Variants in ZXDC observed in about 807,000 individuals in gnomAD.
The protein encoded by ZXDC is zinc finger protein ZXDC.
A neutral mutation model predicts 63.6 loss-of-function variants in ZXDC; 58 were observed. The ratio of observed to expected loss-of-function variants is 0.91; its 90% CI spans 0.74 to 1.13. ZXDC has a LOEUF of 1.13. Ranked by LOEUF, ZXDC falls within the 50% of genes most tolerant of loss-of-function variation. The pLI is 0.00. For missense variants in ZXDC, 1,133 were observed against 1,148.9 expected (o/e 0.99, Z 0.20); for synonymous variants, 561 against 496.1 (o/e 1.13, Z -1.74).
At chr3:126,460,092 G>T in intron 6 of ZXDC, 7 of 985,336 alleles carry the variant, frequency 7.1e-6, no homozygotes, top group Non-Finnish European at 8.4e-6. Flanking sequence ...TCACCTTACC[G>T]CGACACTTTT....
intron 9 of ZXDC, 137 bp downstream of exon 9, chr3:126,439,495 T>A: frequency 2.8e-6 from 4 of 1,444,218 alleles, no homozygotes; most frequent in Non-Finnish European, 3.7e-6. Context: ...CAGCAAGACA[T>A]CCTGGCAACC....
intron 9 of ZXDC, 29 bp from the exon 10 acceptor site, chr3:126,438,490 G>A: frequency 6.2e-7 from 1 of 1,602,464 alleles, no homozygotes; most frequent in Non-Finnish European, 8.5e-7. Context: ...TCATGAAGAG[G>A]GAGGAGGGAG....
At position 126,475,159 on chromosome 3, in the gene ZXDC, C is replaced by A; in HGVS notation, c.707G>T (p.Arg236Leu). 2 of 1,605,036 alleles carry A rather than the reference C, an allele frequency of 1.2e-6. No homozygotes were observed. Among genetic ancestry groups the A allele is most frequent in the South Asian group, 2.2e-5 (2 of 89,524 alleles). The change falls in exon 1 of 10, where the codon CGG (arginine) becomes CTG (leucine). Residue 236 changes from arginine to leucine, a missense_variant. Arg to Leu is a moderately radical substitution (Grantham distance 102). Coordinates refer to ENST00000389709, the MANE Select transcript of ZXDC (RefSeq NM_025112.5). ...GCCGCCCACTGGACAGCCGAAGGGC[C>A]GCAGCTTGTCGTGCGACTGCAGGTG... is the stretch of plus-strand genomic sequence containing the variant. ...KRHLQSHDKL[R>L]PFGCPVGGCG...
At position 126,468,410 on chromosome 3, in the gene ZXDC, A is replaced by G. The variant is rs144531661; in HGVS notation, c.1271-2085T>C. Among the ~76,000 whole-genome samples, 25 of 152,304 alleles carry G rather than the reference A, an allele frequency of 1.6e-4. No individual in the cohort carries two copies. The East Asian group carries it at 4.4e-3, about 27-fold the overall frequency. On this transcript the variant is annotated intron_variant, in intron 4 of 9. Transcript: ENST00000389709. Reference sequence around the variant, plus strand: ...GGAAAAAATGGTGTCATCAGCCCCAACTATTGCCCAACCCCAAGAATGATC... The same window carrying G: ...GGAAAAAATGGTGTCATCAGCCCCAGCTATTGCCCAACCCCAAGAATGATC...
chr3:126,471,506 C>T (rs1007388064), intron 3 of ZXDC, among the ~76,000 whole-genome samples: 7 of 152,078 alleles, frequency 4.6e-5, no homozygotes, highest in Non-Finnish European at 8.8e-5. Flanking sequence ...TGTGCAAGTA[C>T]AGAAAAACCA....
chr3:126,472,451 C>T lies in ZXDC; in HGVS notation c.908-146G>A, dbSNP rs556348261. The T allele has an allele frequency of 5.0e-5, 52 of 1,042,846 alleles. No individual in the cohort carries two copies. In the South Asian group the frequency reaches 9.6e-4, roughly 19 times the overall value. 64.6% of individuals were successfully genotyped at this position (1,042,846 alleles called of 1,614,324 possible). A position where few individuals can be genotyped will look rare whatever the true frequency, so the allele number is the denominator to read the frequency against. On this transcript the variant is annotated intron_variant, in intron 1 of 9. Coordinates refer to ENST00000389709, the MANE Select transcript of ZXDC (RefSeq NM_025112.5). Reference sequence around the variant, plus strand: ...GAAGCACTCTCTAAAAAGGGAAGACCATTAATGCTTGGCTTTGTGATCACC... The same window carrying T: ...GAAGCACTCTCTAAAAAGGGAAGACTATTAATGCTTGGCTTTGTGATCACC...
chr3:126,462,992 G>T (rs1232661615), intron 5 of ZXDC, among the ~76,000 whole-genome samples: 1 of 152,130 alleles, frequency 6.6e-6, no homozygotes, highest in Non-Finnish European at 1.5e-5. Flanking sequence ...GCCTCCTGAG[G>T]GTGGAGAGCC....
At chr3:126,450,320 C>T (rs1007802004) in intron 7 of ZXDC, 2 of 456,546 alleles carry the variant, frequency 4.4e-6, no homozygotes, top group Non-Finnish European at 8.8e-6. Context: ...CTAAAGAAAA[C>T]ACAAGAGCAG....
At chr3:126,454,481 CCTTTG>C in intron 7 of ZXDC, 3 of 985,328 alleles carry the variant, frequency 3.0e-6, no homozygotes, top group Non-Finnish European at 3.6e-6. Context: ...TTGTGATTTG[CCTTTG>C]CTTTATTTTA....
chr3:126,475,428 C>T lies in ZXDC; in HGVS notation c.438G>A (p.Ala146=), dbSNP rs868355694. The T allele has an allele frequency of 8.4e-7, 1 of 1,184,816 alleles. No homozygotes were observed. Among genetic ancestry groups the T allele is most frequent in the Non-Finnish European group, 1.0e-6 (1 of 958,920 alleles). 73.4% of individuals were successfully genotyped at this position (1,184,816 alleles called of 1,614,324 possible). ...TTGCGGGGCCGGGCGGCGCAGACAG[C>T]GCGAGGACGCCGCGGTCGAGACGCA... The part of the protein sequence containing the change: ...LLVRLDRGVL[A]LSAPPGPATA... The change falls in exon 1 of 10, where the codon GCG becomes GCA. Residue 146 remains alanine (A), a synonymous_variant. Transcript: ENST00000389709.
At position 126,466,253 on chromosome 3, in the gene ZXDC, G is replaced by T; in HGVS notation, c.1343C>A (p.Ala448Asp). The T allele has an allele frequency of 6.2e-7, 1 of 1,614,222 alleles. No homozygotes were observed. The highest frequency in any genetic ancestry group is 8.5e-7 in the Non-Finnish European group (1 of 1,180,042). The change falls in exon 5 of 10, where the codon GCT becomes GAT. Residue 448 changes from alanine (A) to aspartate (D), a missense_variant. Transcript: ENST00000389709. ...AGAAACTGGGCAACGGCTTTTCGGA[G>T]CACCCACATCCTGCACGTGTTTCTT... is the stretch of plus-strand genomic sequence containing the variant. The part of the protein sequence containing the change: ...HSKKHVQDVG[A>D]PKSRCPVSTC...
chr3:126,468,233 G>A (rs1934849997), intron 4 of ZXDC, among the ~76,000 whole-genome samples: 1 of 151,980 alleles, frequency 6.6e-6, no homozygotes, highest in African/African-American at 2.4e-5. Context: ...AGCACACATA[G>A]CCCCGAGGCC....
At chr3:126,446,573 C>T (rs1933891936) in intron 7 of ZXDC, among the ~76,000 whole-genome samples, 1 of 152,180 alleles carries the variant, frequency 6.6e-6, no homozygotes, top group South Asian at 2.1e-4. Flanking sequence ...AGGCCCCTCC[C>T]TTGATAACCA....
In ZXDC at chr3:126,475,670, C is replaced by G. The variant is rs764157817; in HGVS notation, c.196G>C (p.Ala66Pro). 7.1e-6 allele frequency: 10 copies of G among 1,413,338 alleles called. No individual in the cohort carries two copies. In the South Asian group the frequency reaches 1.2e-4, roughly 18 times the overall value. The allele number at this position is 1,413,338 out of a possible 1,614,324, so 87.5% of individuals were successfully genotyped here. ...GEASGPSPPP[A>P]EDDSDGDSFL... ...GAGTCGCCGTCGCTGTCGTCCTCGG[C>G]GGGCGGCGGGCTTGGCCCGGAGGCC... is the stretch of plus-strand genomic sequence containing the variant. Residue 66 changes from alanine to proline, a missense_variant, in exon 1 of 10, where the codon GCC becomes CCC. Transcript: ENST00000389709.
At chr3:126,458,328 C>G (rs1485791968) in intron 7 of ZXDC, among the ~76,000 whole-genome samples, 1 of 150,852 alleles carries the variant, frequency 6.6e-6, no homozygotes, top group Non-Finnish European at 1.5e-5. Context: ...CCTCTGCCTC[C>G]TGGGTTCAAG....
chr3:126,438,433 G>C lies in ZXDC; in HGVS notation c.2519C>G (p.Ala840Gly). ...QEVLPSSGGP[A>G]GPEATQFPGS... is the part of the protein sequence containing the mutation. ...TGGGAACTGGGTGGCCTCCGGTCCA[G>C]CAGGGCCTCCAGATGAGGGGAGCAC... The change falls in exon 10 of 10, where the codon GCT becomes GGT. Residue 840 changes from alanine to glycine, a missense_variant. Transcript: ENST00000389709. 1 of 1,613,916 alleles carries C rather than the reference G, an allele frequency of 6.2e-7. No individual in the cohort carries two copies. The highest frequency in any genetic ancestry group is 8.5e-7 in the Non-Finnish European group (1 of 1,179,908).
Position 126,466,136 on chromosome 3 carries a change from G to A in ZXDC, c.1441+19C>T. ...TCACAGGGAAGCAGCTCCCCATGGG[G>A]GCCGTGGAAAGTGCAGACCTTGGCG... On this transcript the variant is annotated intron_variant, in intron 5 of 9. Coordinates refer to ENST00000389709, the MANE Select transcript of ZXDC (RefSeq NM_025112.5). The A allele has an allele frequency of 6.2e-7, 1 of 1,601,792 alleles. No homozygotes were observed. Among genetic ancestry groups the A allele is most frequent in the Non-Finnish European group, 8.5e-7 (1 of 1,172,802 alleles).
intron 4 of ZXDC, among the ~76,000 whole-genome samples, chr3:126,467,641 C>T (rs949301911): frequency 6.6e-5 from 10 of 152,190 alleles, no homozygotes; most frequent in Admixed American, 2.6e-4. Context: ...CAGCTGCAAA[C>T]TCGTTTCCAG....
In ZXDC at chr3:126,439,487, G is replaced by GCAAGAC. The variant is rs1933589438; in HGVS notation, c.2490+139_2490+144dup. 3.0e-5 allele frequency: 42 copies of GCAAGAC among 1,380,218 alleles called. No homozygotes were observed. In the South Asian group the frequency reaches 5.6e-4, roughly 18 times the overall value. 85.5% of individuals were successfully genotyped at this position (1,380,218 alleles called of 1,614,324 possible). A position where few individuals can be genotyped will look rare whatever the true frequency, so the allele number is the denominator to read the frequency against. On this transcript the variant is annotated intron_variant, in intron 9 of 9. Coordinates refer to ENST00000389709, the MANE Select transcript of ZXDC (RefSeq NM_025112.5). ...ACTCACCCACCTTCTCCAGAAGGCA[G>GCAAGAC]CAAGACATCCTGGCAACCAACCCAC...
Sources: gnomAD v4.1 joint callset for allele counts (sites outside exome capture counted in the v4.1 genomes callset) on GRCh38, gnomAD v4.1.1 for gene constraint, MANE v1.5 for transcripts, NCBI Gene and HGNC (gene_info 2026-07-23, HGNC 2026-07-21) for gene names.